The following ARPP19 variants were observed in gnomAD, a reference collection of about 807,000 sequenced individuals.
The protein encoded by ARPP19 is cAMP-regulated phosphoprotein 19.
ARPP19 carries 8 observed loss-of-function variants against 12.0 expected under a neutral mutation model. The observed-to-expected ratio is 0.67, with a 90% confidence interval of 0.39 to 1.21. The LOEUF (loss-of-function observed/expected upper bound fraction) is 1.21. Ranked by LOEUF, ARPP19 falls within the 50% of genes most tolerant of loss-of-function variation. The probability of loss-of-function intolerance (pLI) is 0.01; values close to 1 mark genes in which losing one functional copy is unlikely to be tolerated. For synonymous variants in ARPP19, 47 were observed against 50.4 expected (o/e 0.93, Z 0.29); for missense variants, 102 against 136.3 (o/e 0.75, Z 1.25).
chr15:52,568,861 G>A lies in ARPP19; in HGVS notation c.32C>T (p.Ala11Val), dbSNP rs755346523. 3.8e-6 allele frequency: 6 copies of A among 1,573,950 alleles called. No homozygotes were observed. The African/African-American group carries it at 5.7e-5, about 15-fold the overall frequency. MSAEVPEAAS[A>V]EEQKEMEDKV... ...CCGCGCGCTCACCTTCTGCTCCTCC[G>A]CGGAGGCTGCCTCGGGGACTTCCGC... The change falls in exon 1 of 3, where the codon GCG becomes GTG. Residue 11 changes from alanine (A) to valine (V), a missense_variant. Transcript: ENST00000249822.
At chr15:52,561,939 T>G (rs1375145462) in intron 1 of ARPP19, among the ~76,000 whole-genome samples, 2 of 146,822 alleles carry the variant, frequency 1.4e-5, no homozygotes, top group Non-Finnish European at 3.0e-5. Context: ...ACCTACTTTT[T>G]TTTTTTTTTT....
At chr15:52,555,335 G>T (rs1405119825) in intron 2 of ARPP19, among the ~76,000 whole-genome samples, 1 of 151,994 alleles carries the variant, frequency 6.6e-6, no homozygotes, top group African/African-American at 2.4e-5. Flanking sequence ...GGTTATGCTG[G>T]AGATTAGCAA....
At chr15:52,569,177 C>T, upstream of ARPP19, 2 of 453,312 alleles carry the variant, frequency 4.4e-6, no homozygotes, top group South Asian at 2.6e-5. Flanking sequence ...CAAAGGTCGC[C>T]GCTCCTGCCT....
upstream of ARPP19, chr15:52,569,090 C>T: frequency 3.6e-6 from 2 of 558,084 alleles, no homozygotes; most frequent in South Asian, 4.5e-5. Flanking sequence ...GCCCGCCTGC[C>T]CCTCCCGCAC....
chr15:52,556,375 C>G (rs1428837523), intron 2 of ARPP19, among the ~76,000 whole-genome samples: 1 of 152,012 alleles, frequency 6.6e-6, no homozygotes, highest in Non-Finnish European at 1.5e-5. Flanking sequence ...AGGAAGGGGT[C>G]ACAGGACAAT....
Position 52,549,847 on chromosome 15 carries a change from C to T in ARPP19, c.*2087G>A, listed in dbSNP as rs920777870. ...AAATTGATTCTATAATGAGTATATA[C>T]TTGCTCTCATTACAAATATATATAT... On this transcript the variant is annotated 3_prime_UTR_variant, in exon 3 of 3. Transcript: ENST00000249822. 1 of 151,372 alleles carries T rather than the reference C, an allele frequency of 6.6e-6. No homozygotes were observed. Among genetic ancestry groups the T allele is most frequent in the African/African-American group, 2.5e-5 (1 of 40,780 alleles). The allele number at this position is 151,372 out of a possible 1,614,324, so 9.4% of individuals were successfully genotyped here.
chr15:52,556,956 G>A (rs1566895655), intron 2 of ARPP19, 144 bp downstream of exon 2: 1 of 793,026 alleles, frequency 1.3e-6, no homozygotes, highest in African/African-American at 1.8e-5. Context: ...GCAAAATATT[G>A]GAAAAACCCA....
rs1262730349 is a variant in ARPP19, at chr15:52,551,406, A to C, written c.*528T>G. 6.5e-6 allele frequency: 1 copy of C among 152,736 alleles called. No individual in the cohort carries two copies. Among genetic ancestry groups the C allele is most frequent in the African/African-American group, 2.4e-5 (1 of 41,472 alleles). The allele number at this position is 152,736 out of a possible 1,614,324, so 9.5% of individuals were successfully genotyped here. ...AAGTAAAATTCTACTGTTAAAGCTG[A>C]AACAGGTTTAAGGCCATTCAAGTTC... On this transcript the variant is annotated 3_prime_UTR_variant, in exon 3 of 3. Coordinates refer to ENST00000249822, the MANE Select transcript of ARPP19 (RefSeq NM_006628.6).
Position 52,550,457 on chromosome 15 carries a change from G to A in ARPP19, c.*1477C>T, listed in dbSNP as rs777081571. The A allele has an allele frequency of 2.6e-5, 4 of 152,042 alleles. No homozygotes were observed. Among genetic ancestry groups the A allele is most frequent in the African/African-American group, 9.7e-5 (4 of 41,396 alleles). 9.4% of individuals were successfully genotyped at this position (152,042 alleles called of 1,614,324 possible). A position where few individuals can be genotyped will look rare whatever the true frequency, so the allele number is the denominator to read the frequency against. ...ACATAGGTTCTTGAGCCAGTATTCC[G>A]AACCGTTTCATTATAAAGTTCCTTT... On this transcript the variant is annotated 3_prime_UTR_variant, in exon 3 of 3. Transcript: ENST00000249822.
rs773835778 is a variant in ARPP19 at position 52,552,084 on chromosome 15, C to T, written c.189G>A (p.Gly63=). ...TTTTTGCTTTAGCCATGTTGTAATC[C>T]CCAGAATCAAAATATTTTTGCTATA... The part of the protein sequence containing the change: ...LQKGQKYFDS[G]DYNMAKAKMK... Residue 63 remains glycine (G), a synonymous_variant, in exon 3 of 3, where the codon GGG becomes GGA. Transcript: ENST00000249822. 2 of 1,612,362 alleles carry T rather than the reference C, an allele frequency of 1.2e-6. No homozygotes were observed. Among genetic ancestry groups the T allele is most frequent in the Non-Finnish European group, 1.7e-6 (2 of 1,178,718 alleles).
At chr15:52,568,585 G>GT (rs1209524248) in intron 1 of ARPP19, 6 of 429,456 alleles carry the variant, frequency 1.4e-5, no homozygotes, top group African/African-American at 1.3e-4. Flanking sequence ...GGGCTCTCGC[G>GT]TAAATATAAG....
intron 2 of ARPP19, among the ~76,000 whole-genome samples, chr15:52,553,689 CA>C (rs1271644174): frequency 7.1e-6 from 1 of 140,898 alleles, no homozygotes; most frequent in Non-Finnish European, 1.6e-5. Context: ...AGGGCTTGGA[CA>C]AAGGGTGAAG....
At chr15:52,559,000 T>C (rs868121501) in intron 1 of ARPP19, among the ~76,000 whole-genome samples, 1 of 152,182 alleles carries the variant, frequency 6.6e-6, no homozygotes, top group African/African-American at 2.4e-5. Flanking sequence ...ATTCACTTTA[T>C]ATATTATCAG....
rs1297124278 is a variant in ARPP19, at chr15:52,551,466, T to A, written c.*468A>T. 2 of 153,312 alleles carry A rather than the reference T, an allele frequency of 1.3e-5. No individual in the cohort carries two copies. The highest frequency in any genetic ancestry group is 4.8e-5 in the African/African-American group (2 of 41,482). 9.5% of individuals were successfully genotyped at this position (153,312 alleles called of 1,614,324 possible). ...GATACAAATCTTTCAGAGCCCCATC[T>A]AGTTGTGTTTGAAATATGTGACCTT... On this transcript the variant is annotated 3_prime_UTR_variant, in exon 3 of 3. Coordinates refer to ENST00000249822, the MANE Select transcript of ARPP19 (RefSeq NM_006628.6).
intron 2 of ARPP19, among the ~76,000 whole-genome samples, chr15:52,552,635 C>T (rs1037110661): frequency 4.8e-5 from 7 of 146,294 alleles, no homozygotes; most frequent in Admixed American, 4.8e-4. Context: ...CTTTCTTGAA[C>T]CATTCTGGTT....
intron 1 of ARPP19, chr15:52,568,549 G>A (rs1285523059): frequency 5.5e-6 from 2 of 366,316 alleles, no homozygotes; most frequent in Non-Finnish European, 9.7e-6. Flanking sequence ...GAAAAACTTA[G>A]GCTCTACGCC....
chr15:52,560,920 G>C (rs1451253512), intron 1 of ARPP19, among the ~76,000 whole-genome samples: 1 of 152,176 alleles, frequency 6.6e-6, no homozygotes, highest in African/African-American at 2.4e-5. Context: ...GGTGGACTCT[G>C]AACAGTACTC....
chr15:52,557,633 G>A (rs1169932797), intron 1 of ARPP19: 1 of 152,644 alleles, frequency 6.6e-6, no homozygotes. Flanking sequence ...AATTATGTAT[G>A]ATTTGAAGTT....
Position 52,547,941 on chromosome 15 carries a change from AAG to A in ARPP19, c.*3991_*3992del, listed in dbSNP as rs1566891514. The A allele has an allele frequency of 6.6e-6, 1 of 152,236 alleles. No individual in the cohort carries two copies. The allele number at this position is 152,236 out of a possible 1,614,324, so 9.4% of individuals were successfully genotyped here. A position where few individuals can be genotyped will look rare whatever the true frequency, so the allele number is the denominator to read the frequency against. On this transcript the variant is annotated 3_prime_UTR_variant, in exon 3 of 3. Coordinates refer to ENST00000249822, the MANE Select transcript of ARPP19 (RefSeq NM_006628.6). ...GGGATAGAGAGGCAAAATGAGGTGA[AAG>A]AGAAAATGGAAAGTGGAAAATATGT...
Sources: gnomAD v4.1 joint callset for allele counts (sites outside exome capture counted in the v4.1 genomes callset) on GRCh38, gnomAD v4.1.1 for gene constraint, MANE v1.5 for transcripts, NCBI Gene and HGNC (gene_info 2026-07-23, HGNC 2026-07-21) for gene names.